The following FRY variants were observed in gnomAD, a reference collection of about 807,000 sequenced individuals.
FRY encodes the protein protein furry homolog.
FRY carries 128 observed loss-of-function variants against 348.4 expected under a neutral mutation model. The ratio of observed to expected loss-of-function variants is 0.37; its 90% confidence interval spans 0.32 to 0.43. The LOEUF is 0.43. Ranked by LOEUF, FRY falls within the 20% of genes least tolerant of loss-of-function variation. The pLI is 1.00. For missense variants in FRY, 2,736 were observed against 3,695.2 expected (o/e 0.74, Z 6.73); for synonymous variants, 1,370 against 1,374.7 (o/e 1.00, Z 0.08).
intron 41 of FRY, among the ~76,000 whole-genome samples, chr13:32,233,675 C>G (rs568487243): frequency 6.6e-6 from 1 of 152,072 alleles, no homozygotes; most frequent in South Asian, 2.1e-4. Flanking sequence ...TCTACTCTAA[C>G]AAACTTACAA....
At chr13:32,260,402 T>TATCTTAA (rs1555271925) in intron 51 of FRY, among the ~76,000 whole-genome samples, 1 of 9,642 alleles carries the variant, frequency 1.0e-4, no homozygotes, top group South Asian at 3.4e-3. Flanking sequence ...CCTTTATTCC[T>TATCTTAA]AACAGAAAGA....
chr13:32,206,364 C>T lies in FRY; in HGVS notation c.4019-2489C>T, dbSNP rs543995116. On this transcript the variant is annotated intron_variant, in intron 31 of 60. Coordinates refer to ENST00000542859, the MANE Select transcript of FRY (RefSeq NM_023037.3). ...GAGAGAGTGAGCAGTGCACAGCCTC[C>T]GATGCAGTAGAGAGATCCCAGAAGA... 3.0e-4 allele frequency among the ~76,000 whole-genome samples: 46 copies of T among 152,220 alleles called. No homozygotes were observed. The South Asian group carries it at 8.9e-3, about 30-fold the overall frequency.
chr13:32,173,368 T>A lies in FRY; in HGVS notation c.2153T>A (p.Leu718His). The A allele has an allele frequency of 2.5e-6, 4 of 1,609,680 alleles. No homozygotes were observed. The highest frequency in any genetic ancestry group is 3.4e-6 in the Non-Finnish European group (4 of 1,177,564). Residue 718 changes from leucine to histidine, a missense_variant and splice_region_variant, in exon 19 of 61, where the codon CTC becomes CAC. This residue lies in a region of FRY where 449 missense variants were observed against 576.9 expected (regional missense o/e 0.78). Transcript: ENST00000542859. ...EQANKIRNSE[L>H]IANGSSHRIQ... ...AATGTTGTTCTTATTGCATAACAGC[T>A]CATCGCAAATGGCTCCAGTCACAGA...
Position 32,208,770 on chromosome 13 carries a change from A to G in FRY, c.4019-83A>G, listed in dbSNP as rs187305568. The G allele has an allele frequency of 6.7e-6, 10 of 1,494,016 alleles. No homozygotes were observed. In the Admixed American group the frequency reaches 1.5e-4, roughly 22 times the overall value. The allele number at this position is 1,494,016 out of a possible 1,614,324, so 92.5% of individuals were successfully genotyped here. ...GTTTTGTAAACGTAGGACACTGTTC[A>G]GTCTGCAAGTTGGCATTTGAATTTC... On this transcript the variant is annotated intron_variant, in intron 31 of 60. Transcript: ENST00000542859.
chr13:32,058,200 G>T (rs1256226716), intron 1 of FRY, among the ~76,000 whole-genome samples: 1 of 151,776 alleles, frequency 6.6e-6, no homozygotes, highest in East Asian at 1.9e-4. Context: ...ACTTTTTTTG[G>T]AATCATCGGG....
chr13:32,043,391 A>G (rs1485870604), intron 1 of FRY, among the ~76,000 whole-genome samples: 2 of 152,244 alleles, frequency 1.3e-5, no homozygotes, highest in Non-Finnish European at 2.9e-5. Context: ...ATTAAGGGCA[A>G]TAATAATAGC....
intron 56 of FRY, 82 bp downstream of exon 56, chr13:32,275,073 T>A: frequency 7.6e-7 from 1 of 1,310,736 alleles, no homozygotes; most frequent in Non-Finnish European, 1.1e-6. Flanking sequence ...GTTTGCGCTG[T>A]GGTTTGTTTT....
Position 32,178,996 on chromosome 13 carries a change from C to A in FRY, c.2834C>A (p.Ala945Glu). ...AGAGCTTCCACTCCAGAAATAATGG[C>A]GACCACACCTGATGGTACAGTGAGC... ...HLRASTPEIMATTPDGTVSYD... is the reference protein window; with the variant it reads ...HLRASTPEIMETTPDGTVSYD... Residue 945 changes from alanine to glutamate, a missense_variant, in exon 22 of 61, where the codon GCG (alanine) becomes GAG (glutamate). Coordinates refer to ENST00000542859, the MANE Select transcript of FRY (RefSeq NM_023037.3). 1 of 1,613,626 alleles carries A rather than the reference C, an allele frequency of 6.2e-7. No homozygotes were observed. Among genetic ancestry groups the A allele is most frequent in the Non-Finnish European group, 8.5e-7 (1 of 1,179,660 alleles).
intron 24 of FRY, among the ~76,000 whole-genome samples, chr13:32,183,574 G>A (rs1211805619): frequency 2.6e-5 from 4 of 151,858 alleles, no homozygotes; most frequent in Admixed American, 6.6e-5. Flanking sequence ...TCAAGAGATC[G>A]AGACCATCCT....
At chr13:32,057,642 T>C (rs1473084523) in intron 1 of FRY, among the ~76,000 whole-genome samples, 1 of 152,084 alleles carries the variant, frequency 6.6e-6, no homozygotes, top group East Asian at 1.9e-4. Flanking sequence ...ATGCATTGGG[T>C]TCACCTTTCG....
At chr13:32,247,032 T>C (rs532362659) in intron 47 of FRY, among the ~76,000 whole-genome samples, 66 of 152,066 alleles carry the variant, frequency 4.3e-4, no homozygotes, top group East Asian at 1.9e-4. Flanking sequence ...CTTTTTTTTT[T>C]CCCTCAAATT....
chr13:32,279,224 G>A (rs1009851949), intron 58 of FRY, among the ~76,000 whole-genome samples: 14 of 152,214 alleles, frequency 9.2e-5, no homozygotes, highest in African/African-American at 3.4e-4. Context: ...AGATCACAGA[G>A]CAAGGCTGCC....
Position 32,225,265 on chromosome 13 carries a change from T to G in FRY, c.5020+229T>G, listed in dbSNP as rs117415157. Among the ~76,000 whole-genome samples, 126 of 152,360 alleles carry G rather than the reference T, an allele frequency of 8.3e-4. 4 individuals are homozygous for G. The East Asian group carries it at 0.023, about 28-fold the overall frequency. ...TGTAAATACAGTGGTTTCTCACTAG[T>G]GCCACATCTACAAATATATCCAAAA... is the stretch of plus-strand genomic sequence containing the variant. On this transcript the variant is annotated intron_variant, in intron 38 of 60. Coordinates refer to ENST00000542859, the MANE Select transcript of FRY (RefSeq NM_023037.3).
intron 1 of FRY, among the ~76,000 whole-genome samples, chr13:32,040,972 A>G (rs903053947): frequency 2.6e-5 from 4 of 152,244 alleles, no homozygotes; most frequent in African/African-American, 4.8e-5. Context: ...CTTAATGCCT[A>G]CAGCTTAGGT....
chr13:32,255,237 T>A (rs2138521603), intron 51 of FRY, among the ~76,000 whole-genome samples: 1 of 152,276 alleles, frequency 6.6e-6, no homozygotes, highest in Admixed American at 6.5e-5. Context: ...AGCTCATGTT[T>A]AACTGCACCA....
chr13:32,276,094 G>A (rs990538310), intron 56 of FRY, among the ~76,000 whole-genome samples: 2 of 152,196 alleles, frequency 1.3e-5, no homozygotes, highest in African/African-American at 4.8e-5. Context: ...TACAAAATAA[G>A]TTTGAAAGTC....
intron 17 of FRY, among the ~76,000 whole-genome samples, chr13:32,162,186 A>G (rs1173400135): frequency 6.6e-6 from 1 of 152,244 alleles, no homozygotes; most frequent in Non-Finnish European, 1.5e-5. Flanking sequence ...TAAGCTGGCG[A>G]ATAAGATGAC....
At chr13:32,217,976 A>T (rs1005643545) in intron 35 of FRY, among the ~76,000 whole-genome samples, 3 of 152,212 alleles carry the variant, frequency 2.0e-5, no homozygotes, top group Admixed American at 2.0e-4. Flanking sequence ...GAACACTCTC[A>T]AACTATTTTA....
chr13:32,192,271 T>TC (rs1566122049), intron 28 of FRY, among the ~76,000 whole-genome samples: 1 of 151,506 alleles, frequency 6.6e-6, no homozygotes, highest in Non-Finnish European at 1.5e-5. Flanking sequence ...TAATGACTTT[T>TC]TTTGTTTTGT....
Sources: gnomAD v4.1 joint callset for allele counts (sites outside exome capture counted in the v4.1 genomes callset) on GRCh38, gnomAD v4.1.1 for gene constraint, gnomAD v4.1.1 regional missense constraint, MANE v1.5 for transcripts, NCBI Gene and HGNC (gene_info 2026-07-23, HGNC 2026-07-21) for gene names.